Variants in ROBO2 observed in about 807,000 individuals in gnomAD.
ROBO2 encodes roundabout homolog 2.
A neutral mutation model predicts 160.8 loss-of-function variants in ROBO2; 53 were observed. The ratio of observed to expected loss-of-function variants is 0.33; its 90% confidence interval spans 0.26 to 0.41. The LOEUF is 0.41. Ranked by LOEUF, ROBO2 falls within the 10% of genes least tolerant of loss-of-function variation. The probability of loss-of-function intolerance (pLI) is 1.00; values close to 1 mark genes in which losing one functional copy is unlikely to be tolerated. For missense variants in ROBO2, 1,577 were observed against 1,722.4 expected, an observed-to-expected ratio of 0.92 and a Z score of 1.49; for synonymous variants, 664 against 611.7, an observed-to-expected ratio of 1.09 and a Z score of -1.26.
chr3:77,446,734 C>A (rs2080565757), intron 2 of ROBO2, among the ~76,000 whole-genome samples: 1 of 151,974 alleles, frequency 6.6e-6, no homozygotes, highest in Non-Finnish European at 1.5e-5. Context: ...GTTCTCCACA[C>A]CAATACACAA....
intron 2 of ROBO2, among the ~76,000 whole-genome samples, chr3:77,251,101 G>A (rs1186232364): frequency 6.6e-6 from 1 of 152,046 alleles, no homozygotes; most frequent in Non-Finnish European, 1.5e-5. Context: ...GCTTCACTAG[G>A]CATTGCCTTA....
chr3:76,353,331 A>C (rs2074984736), intron 2 of ROBO2, among the ~76,000 whole-genome samples: 1 of 151,962 alleles, frequency 6.6e-6, no homozygotes, highest in Non-Finnish European at 1.5e-5. Flanking sequence ...GCTAATCATA[A>C]GTTGGCAAAT....
intron 2 of ROBO2, among the ~76,000 whole-genome samples, chr3:76,645,955 T>C (rs1239924385): frequency 6.6e-6 from 1 of 152,194 alleles, no homozygotes; most frequent in African/African-American, 2.4e-5. Flanking sequence ...GTCTTGTTTG[T>C]ATTTAAGTGG....
At chr3:77,139,840 G>A (rs2076564134) in intron 2 of ROBO2, among the ~76,000 whole-genome samples, 1 of 152,082 alleles carries the variant, frequency 6.6e-6, no homozygotes, top group Admixed American at 6.6e-5. Context: ...ATAATTATGG[G>A]CAAAGGTCAA....
intron 2 of ROBO2, among the ~76,000 whole-genome samples, chr3:77,142,282 A>G (rs963029400): frequency 6.6e-6 from 1 of 152,224 alleles, no homozygotes; most frequent in Non-Finnish European, 1.5e-5. Flanking sequence ...TGTATTTGAT[A>G]AAGTCTTAAA....
At chr3:76,820,534 T>C (rs1292762604) in intron 2 of ROBO2, among the ~76,000 whole-genome samples, 3 of 152,008 alleles carry the variant, frequency 2.0e-5, no homozygotes, top group Admixed American at 2.0e-4. Flanking sequence ...ATAATGTTGT[T>C]GTATTTCAGT....
intron 2 of ROBO2, among the ~76,000 whole-genome samples, chr3:77,137,653 G>A (rs758124452): frequency 7.9e-5 from 12 of 152,218 alleles, no homozygotes; most frequent in Non-Finnish European, 8.8e-5. Context: ...CACTGATTTC[G>A]AGGGACATCC....
chr3:76,433,988 A>C, intron 2 of ROBO2: 1 of 846,792 alleles, frequency 1.2e-6, no homozygotes, highest in Non-Finnish European at 2.1e-6. Context: ...GGCAGTCCAG[A>C]GGTGAGTCAG....
At chr3:76,321,152 C>G (rs1057225783) in intron 2 of ROBO2, among the ~76,000 whole-genome samples, 17 of 152,072 alleles carry the variant, frequency 1.1e-4, no homozygotes, top group Admixed American at 3.3e-4. Flanking sequence ...TTCCTAGGCT[C>G]TAAATAGAGC....
intron 2 of ROBO2, among the ~76,000 whole-genome samples, chr3:76,857,969 T>G (rs1230712763): frequency 1.3e-5 from 2 of 152,180 alleles, no homozygotes; most frequent in African/African-American, 4.8e-5. Context: ...AATGTCTTTA[T>G]TCCTGTCTCT....
At position 76,506,903 on chromosome 3, in the gene ROBO2, G is replaced by A. The variant is rs924382432; in HGVS notation, c.109+569301G>A. Among the ~76,000 whole-genome samples, 16 of 151,906 alleles carry A rather than the reference G, an allele frequency of 1.1e-4. No homozygotes were observed. The East Asian group carries it at 3.1e-3, about 29-fold the overall frequency. On this transcript the variant is annotated intron_variant, in intron 2 of 26. Coordinates refer to the ROBO2 transcript ENST00000487694. ...TATACCTAAAAATAAAGAATCAGCT[G>A]GCTTATTTTTATTTTTGACAATCTT... is the stretch of plus-strand genomic sequence containing the variant.
At chr3:77,103,634 T>C (rs1441924307) in intron 2 of ROBO2, among the ~76,000 whole-genome samples, 3 of 152,212 alleles carry the variant, frequency 2.0e-5, no homozygotes, top group Admixed American at 6.5e-5. Context: ...TCTCTTATTT[T>C]TTGTCTTCTG....
intron 2 of ROBO2, among the ~76,000 whole-genome samples, chr3:76,072,207 C>G (rs10514730): frequency 6.7e-6 from 1 of 150,200 alleles, no homozygotes; most frequent in South Asian, 2.1e-4. Context: ...ATCTAATCTC[C>G]GAGGCTGGAT....
Position 77,176,214 on chromosome 3 carries a change from G to GA in ROBO2, c.388+77882dup, listed in dbSNP as rs201850640. 7.7e-3 allele frequency among the ~76,000 whole-genome samples: 1,172 copies of GA among 151,246 alleles called. 18 individuals are homozygous for GA. Among genetic ancestry groups the GA allele is most frequent in the African/African-American group, 0.027 (1,112 of 41,294 alleles). Reference sequence around the variant, plus strand: ...ATTCATTTACTTCAGAGCTAATTGAGAAAAAAAAGGTGTTTAATTCATCCA... The same window carrying GA: ...ATTCATTTACTTCAGAGCTAATTGAGAAAAAAAAAGGTGTTTAATTCATCCA... On this transcript the variant is annotated intron_variant, in intron 2 of 25. Coordinates refer to ENST00000461745, the Ensembl canonical transcript of ROBO2.
At chr3:76,469,067 T>A (rs1357077318) in intron 2 of ROBO2, among the ~76,000 whole-genome samples, 1 of 152,134 alleles carries the variant, frequency 6.6e-6, no homozygotes, top group African/African-American at 2.4e-5. Flanking sequence ...TTTTTTTTAC[T>A]TCTTTATTAA....
intron 2 of ROBO2, among the ~76,000 whole-genome samples, chr3:76,523,980 G>A (rs1434279875): frequency 8.3e-6 from 1 of 121,184 alleles, no homozygotes; most frequent in Non-Finnish European, 2.0e-5. Flanking sequence ...CTGTGTGTGT[G>A]TGTGTATGTG....
chr3:77,366,917 T>C (rs2070988410), intron 2 of ROBO2, among the ~76,000 whole-genome samples: 1 of 140,914 alleles, frequency 7.1e-6, no homozygotes, highest in African/African-American at 2.6e-5. Flanking sequence ...CACAGTCCCC[T>C]GGAATTAATC....
chr3:76,350,680 T>C (rs2074818068), intron 2 of ROBO2, among the ~76,000 whole-genome samples: 1 of 152,020 alleles, frequency 6.6e-6, no homozygotes, highest in Non-Finnish European at 1.5e-5. Context: ...GAGCTTATTT[T>C]TAATCTTATA....
At chr3:76,343,555 G>A (rs1011961231) in intron 2 of ROBO2, among the ~76,000 whole-genome samples, 9 of 151,354 alleles carry the variant, frequency 5.9e-5, no homozygotes, top group African/African-American at 1.7e-4. Context: ...ACGTAACTGC[G>A]GTTTTTGCCA....
Sources: allele counts gnomAD v4.1 joint callset (sites outside exome capture counted in the v4.1 genomes callset), GRCh38; gene constraint gnomAD v4.1.1; transcripts MANE v1.5; gene names NCBI Gene and HGNC (gene_info 2026-07-23, HGNC 2026-07-21).